The following DNAI1 variants were observed in gnomAD, a reference collection of about 807,000 sequenced individuals.
DNAI1 encodes the protein dynein axonemal intermediate chain 1.
In DNAI1, 67 loss-of-function variants were observed where a neutral mutation model predicts 92.0. That is an observed-to-expected ratio of 0.73 (90% CI 0.60 to 0.89). The LOEUF (loss-of-function observed/expected upper bound fraction) is 0.89. DNAI1 is among the 40% of genes least tolerant of loss of function. The pLI, the probability that DNAI1 is intolerant of heterozygous loss-of-function variation, is 0.00. For synonymous variants in DNAI1, 323 were observed against 319.6 expected (o/e 1.01, Z -0.11); for missense variants, 839 against 866.6 (o/e 0.97, Z 0.40).
chr9:34,493,589 C>T (rs1564034296), intron 9 of DNAI1, among the ~76,000 whole-genome samples: 2 of 151,636 alleles, frequency 1.3e-5, no homozygotes, highest in Admixed American at 6.6e-5. Context: ...TAACAGAAGA[C>T]ATATTCCTTA....
At chr9:34,516,092 T>G (rs1431140844) in intron 18 of DNAI1, among the ~76,000 whole-genome samples, 2 of 152,182 alleles carry the variant, frequency 1.3e-5, no homozygotes, top group African/African-American at 4.8e-5. Flanking sequence ...GAGAGTTGAC[T>G]GGCAAGAAGG....
intron 13 of DNAI1, among the ~76,000 whole-genome samples, chr9:34,508,329 C>G (rs955456918): frequency 2.0e-5 from 3 of 152,194 alleles, no homozygotes; most frequent in African/African-American, 7.2e-5. Flanking sequence ...TTATCCTTTA[C>G]CCAGAGCCTG....
chr9:34,472,520 A>C (rs1126120), intron 1 of DNAI1, among the ~76,000 whole-genome samples: 27,328 of 152,192 alleles, frequency 0.18, 2,667 homozygotes, highest in East Asian at 0.33. Flanking sequence ...CTGTGCTAAC[A>C]CTGCATTCAT....
At chr9:34,488,036 A>G (rs1223261788) in intron 4 of DNAI1, 4 of 376,468 alleles carry the variant, frequency 1.1e-5, no homozygotes, top group Non-Finnish European at 2.1e-5. Context: ...CTCAAATGAA[A>G]CTGTAAGGGT....
Position 34,514,472 on chromosome 9 carries a change from C to T in DNAI1, c.1648C>T (p.Pro550Ser). Reference sequence around the variant, plus strand: ...GTCAGTGGACACTGTGTCCTGGAACCCATACCACACCAAGGTCTTCATGTC... The same window carrying T: ...GTCAGTGGACACTGTGTCCTGGAACTCATACCACACCAAGGTCTTCATGTC... ...NMSVDTVSWN[P>S]YHTKVFMSCS... The change falls in exon 17 of 20, where the codon CCA becomes TCA. Residue 550 changes from proline (P) to serine (S), a missense_variant. Pro to Ser is a moderately conservative substitution (Grantham distance 74). Coordinates refer to ENST00000242317, the MANE Select transcript of DNAI1 (RefSeq NM_012144.4). The T allele has an allele frequency of 6.2e-7, 1 of 1,614,232 alleles. No homozygotes were observed. Among genetic ancestry groups the T allele is most frequent in the Non-Finnish European group, 8.5e-7 (1 of 1,180,044 alleles).
chr9:34,496,660 A>G (rs1200176501), intron 9 of DNAI1, among the ~76,000 whole-genome samples: 1 of 152,194 alleles, frequency 6.6e-6, no homozygotes, highest in Non-Finnish European at 1.5e-5. Flanking sequence ...GTAACTGAGT[A>G]AGGGATAAAA....
intron 19 of DNAI1, among the ~76,000 whole-genome samples, chr9:34,517,778 G>T (rs1340074199): frequency 1.3e-5 from 2 of 152,252 alleles, no homozygotes; most frequent in African/African-American, 4.8e-5. Flanking sequence ...CAGTGGAAAT[G>T]CTGTGGGTAG....
At chr9:34,507,388 C>T (rs148312951) in intron 13 of DNAI1, among the ~76,000 whole-genome samples, 61 of 152,182 alleles carry the variant, frequency 4.0e-4, no homozygotes, top group Middle Eastern at 3.4e-3. Context: ...TGTATCCTTA[C>T]AATTAGGCAA....
rs964084810 is a variant in DNAI1 at position 34,493,266 on chromosome 9, AC to A, written c.758del (p.Pro253GlnfsTer11). On this transcript the variant is annotated frameshift_variant, in exon 9 of 20. Coordinates refer to ENST00000242317, the MANE Select transcript of DNAI1 (RefSeq NM_012144.4). LOFTEE classifies it high-confidence loss of function. Reference sequence around the variant, plus strand: ...GACCAAAGAGAAGGAGAAGGCAAAGACCCCAGTGGCTAAAAAATCAGGGAAG... The same window carrying A: ...GACCAAAGAGAAGGAGAAGGCAAAGACCCAGTGGCTAAAAAATCAGGGAAG... ...EKTKEKEKAK[T>X]PVAKKSGKMA... The A allele has an allele frequency of 1.2e-6, 2 of 1,614,018 alleles. No individual in the cohort carries two copies. The highest frequency in any genetic ancestry group is 2.7e-5 in the African/African-American group (2 of 74,890).
At chr9:34,479,223 G>A (rs924480321) in intron 1 of DNAI1, among the ~76,000 whole-genome samples, 3 of 152,148 alleles carry the variant, frequency 2.0e-5, no homozygotes, top group Non-Finnish European at 4.4e-5. Flanking sequence ...TGGAGGCTTG[G>A]GGCCAGATGA....
chr9:34,464,134 G>A (rs1000077379), intron 1 of DNAI1, among the ~76,000 whole-genome samples: 9 of 151,702 alleles, frequency 5.9e-5, no homozygotes, highest in Non-Finnish European at 8.8e-5. Context: ...GCTTACAATC[G>A]TCTCTCACCA....
chr9:34,518,364 C>T (rs778292223), intron 19 of DNAI1, among the ~76,000 whole-genome samples: 33 of 152,248 alleles, frequency 2.2e-4, no homozygotes, highest in Non-Finnish European at 4.4e-4. Context: ...GCGGCACCAT[C>T]CCTCTGGTGC....
At chr9:34,484,115 C>T (rs572344562) in intron 2 of DNAI1, among the ~76,000 whole-genome samples, 2 of 151,942 alleles carry the variant, frequency 1.3e-5, no homozygotes, top group Non-Finnish European at 1.5e-5. Flanking sequence ...TTTGGGAGGC[C>T]GAGGCAAGAG....
chr9:34,465,957 T>A (rs1824031579), intron 1 of DNAI1, among the ~76,000 whole-genome samples: 1 of 152,232 alleles, frequency 6.6e-6, no homozygotes, highest in Non-Finnish European at 1.5e-5. Flanking sequence ...GTCACTGGAT[T>A]CTGGTTTGTA....
intron 1 of DNAI1, among the ~76,000 whole-genome samples, chr9:34,476,962 A>G (rs2132049464): frequency 6.6e-6 from 1 of 152,314 alleles, no homozygotes; most frequent in South Asian, 2.1e-4. Context: ...TGCCATGTTC[A>G]GGGGCTTGGG....
chr9:34,476,253 C>T (rs1051506131), intron 1 of DNAI1, among the ~76,000 whole-genome samples: 1 of 152,212 alleles, frequency 6.6e-6, no homozygotes, highest in Non-Finnish European at 1.5e-5. Context: ...CCTCCCCTAA[C>T]CCCGCTGCAG....
intron 13 of DNAI1, among the ~76,000 whole-genome samples, chr9:34,510,433 T>C (rs2132079794): frequency 6.6e-6 from 1 of 152,298 alleles, no homozygotes; most frequent in Non-Finnish European, 1.5e-5. Context: ...CAAGCAGGTC[T>C]GCCCTAAGAA....
intron 9 of DNAI1, 117 bp from the exon 10 acceptor site, chr9:34,496,998 G>T: frequency 1.2e-6 from 1 of 811,514 alleles, no homozygotes; most frequent in South Asian, 1.4e-5. Context: ...AGAGCTATCT[G>T]GGGTGAGTAG....
intron 12 of DNAI1, among the ~76,000 whole-genome samples, chr9:34,506,063 ACTGG>A (rs1193032886): frequency 6.6e-6 from 1 of 152,200 alleles, no homozygotes; most frequent in Non-Finnish European, 1.5e-5. Flanking sequence ...TGGAAGCCTG[ACTGG>A]CTGGCCTGGG....
Sources: gnomAD v4.1 joint callset for allele counts (sites outside exome capture counted in the v4.1 genomes callset) on GRCh38, gnomAD v4.1.1 for gene constraint, MANE v1.5 for transcripts, NCBI Gene and HGNC (gene_info 2026-07-23, HGNC 2026-07-21) for gene names.